Variants in COL4A2 observed in about 807,000 individuals in gnomAD.
The protein encoded by COL4A2 is collagen type IV alpha 2 chain.
COL4A2 carries 99 observed loss-of-function variants against 200.2 expected under a neutral mutation model. That is an observed-to-expected ratio of 0.49 (90% CI 0.42 to 0.58). The LOEUF (loss-of-function observed/expected upper bound fraction) is 0.58, where lower values mean the gene tolerates loss of function less well. Among genes scored for constraint, COL4A2 ranks in the 20% least tolerant of loss-of-function variants. COL4A2 has a pLI of 0.00. For missense variants in COL4A2, 1,950 were observed against 2,314.1 expected (o/e 0.84, Z 3.23); for synonymous variants, 897 against 900.6 (o/e 1.00, Z 0.07).
In COL4A2 at chr13:110,307,859, G is replaced by A; in HGVS notation, c.-44-1G>A. 1 of 1,595,850 alleles carries A rather than the reference G, an allele frequency of 6.3e-7. No homozygotes were observed. The highest frequency in any genetic ancestry group is 8.5e-7 in the Non-Finnish European group (1 of 1,170,342). ...AAACTCGCTTTGTCTGTCGCCTCTA[G>A]GCTAAGTGGGACTGACCGGGGCCCA... is the stretch of plus-strand genomic sequence containing the variant. On this transcript the variant is annotated splice_acceptor_variant, in intron 1 of 47. Coordinates refer to ENST00000360467, the MANE Select transcript of COL4A2 (RefSeq NM_001846.4). LOFTEE classifies it low-confidence loss of function (5UTR_SPLICE). The surrounding 1 kb of genome is among the most constrained non-coding windows in gnomAD (Gnocchi z 5.0).
At chr13:110,504,585 C>T (rs1405800396) in intron 45 of COL4A2, among the ~76,000 whole-genome samples, 2 of 152,168 alleles carry the variant, frequency 1.3e-5, no homozygotes, top group African/African-American at 4.8e-5. Flanking sequence ...GTACAAGAGC[C>T]GCACTGCGAA....
chr13:110,387,462 T>C (rs1047597380), intron 4 of COL4A2, among the ~76,000 whole-genome samples: 1 of 152,118 alleles, frequency 6.6e-6, no homozygotes, highest in African/African-American at 2.4e-5. Flanking sequence ...GCCAGAGGGA[T>C]TCTGAAATGT....
At chr13:110,471,102 A>G (rs1250433903) in intron 28 of COL4A2, among the ~76,000 whole-genome samples, 2 of 152,214 alleles carry the variant, frequency 1.3e-5, no homozygotes, top group South Asian at 4.1e-4. Flanking sequence ...GATTTCATAT[A>G]TACTAAGTTT....
chr13:110,323,853 G>A (rs537675491), intron 3 of COL4A2, among the ~76,000 whole-genome samples: 52 of 152,330 alleles, frequency 3.4e-4, no homozygotes, highest in African/African-American at 1.2e-3. Flanking sequence ...GGCCAGGACC[G>A]AAGCTAAGTA....
intron 4 of COL4A2, among the ~76,000 whole-genome samples, chr13:110,390,320 C>G (rs71440057): frequency 6.6e-6 from 1 of 152,234 alleles, no homozygotes; most frequent in African/African-American, 2.4e-5. Context: ...AGGAAGACTT[C>G]CATGGAAGGT....
chr13:110,458,245 G>A lies in COL4A2; in HGVS notation c.1433-526G>A, dbSNP rs550429653. 76 of 410,284 alleles carry A rather than the reference G, an allele frequency of 1.9e-4. 1 individual carries two copies. The highest frequency in any genetic ancestry group is 1.3e-3 in the African/African-American group (64 of 48,076). 25.4% of individuals were successfully genotyped at this position (410,284 alleles called of 1,614,324 possible). A position where few individuals can be genotyped will look rare whatever the true frequency, so the allele number is the denominator to read the frequency against. On this transcript the variant is annotated intron_variant, in intron 21 of 47. Coordinates refer to ENST00000360467, the MANE Select transcript of COL4A2 (RefSeq NM_001846.4). Reference sequence around the variant, plus strand: ...TGCCCTGGGGGAGCCAACCCCTGCCGCCAGCATGGTGCTGCCTTGCTGCCC... The same window carrying A: ...TGCCCTGGGGGAGCCAACCCCTGCCACCAGCATGGTGCTGCCTTGCTGCCC...
intron 4 of COL4A2, among the ~76,000 whole-genome samples, chr13:110,388,244 C>T (rs1353847984): frequency 6.6e-6 from 1 of 152,200 alleles, no homozygotes; most frequent in African/African-American, 2.4e-5. Context: ...AGCCCTCAAG[C>T]GCAGTCTGCA....
intron 7 of COL4A2, chr13:110,429,036 A>G (rs1157696815): frequency 6.5e-6 from 1 of 153,602 alleles, no homozygotes; most frequent in East Asian, 1.9e-4. Flanking sequence ...GGCCTCATTT[A>G]TTTTTTAAGG....
chr13:110,357,687 C>A, intron 4 of COL4A2, 135 bp downstream of exon 4: 1 of 1,324,488 alleles, frequency 7.6e-7, no homozygotes, highest in Non-Finnish European at 1.0e-6. Context: ...AGTACTCACA[C>A]AAACCTAGAT....
In COL4A2 at chr13:110,435,235, A is replaced by G. The variant is rs149361279; in HGVS notation, c.726+793A>G. Among the ~76,000 whole-genome samples the G allele has an allele frequency of 8.0e-4, 122 of 152,330 alleles. 1 individual carries two copies. Among genetic ancestry groups the G allele is most frequent in the African/African-American group, 2.8e-3 (118 of 41,586 alleles). ...ATTAGCAAGCAGTGGGCTTCTGGGAAAAAAAAGAAAGAAAAACATTGAAGA... is the reference window on the plus strand; with the variant it reads ...ATTAGCAAGCAGTGGGCTTCTGGGAGAAAAAAGAAAGAAAAACATTGAAGA... On this transcript the variant is annotated intron_variant, in intron 12 of 47. Transcript: ENST00000360467.
At chr13:110,318,295 C>G (rs1005710261) in intron 3 of COL4A2, among the ~76,000 whole-genome samples, 1 of 152,088 alleles carries the variant, frequency 6.6e-6, no homozygotes, top group African/African-American at 2.4e-5. Context: ...ACCGTGAAGT[C>G]TGATCAGTGT....
intron 18 of COL4A2, among the ~76,000 whole-genome samples, chr13:110,447,662 T>A (rs1006799778): frequency 6.6e-6 from 1 of 152,234 alleles, no homozygotes; most frequent in Non-Finnish European, 1.5e-5. Context: ...AGGACAGACA[T>A]TTCAGCCCAT....
chr13:110,347,057 C>T (rs1390190345), intron 3 of COL4A2, among the ~76,000 whole-genome samples: 3 of 152,206 alleles, frequency 2.0e-5, no homozygotes, highest in East Asian at 3.9e-4. Flanking sequence ...GCCTGCTTTT[C>T]GCCTCTAGAA....
Position 110,467,092 on chromosome 13 carries a change from C to A in COL4A2, c.2091C>A (p.Pro697=). Residue 697 remains proline, a synonymous_variant, in exon 27 of 48, where the codon CCC becomes CCA. Coordinates refer to ENST00000360467, the MANE Select transcript of COL4A2 (RefSeq NM_001846.4). ...GLPGLPGPPG[P]TGAKGLRGIP... ...CAGGCCTGCCAGGACCCCCAGGCCC[C>A]ACAGGTAATGCACGGAGGGAACCTG... 1 of 1,614,070 alleles carries A rather than the reference C, an allele frequency of 6.2e-7. No homozygotes were observed. The highest frequency in any genetic ancestry group is 8.5e-7 in the Non-Finnish European group (1 of 1,179,992).
chr13:110,397,427 C>A (rs1159878694), intron 4 of COL4A2, among the ~76,000 whole-genome samples: 3 of 152,192 alleles, frequency 2.0e-5, no homozygotes, highest in Non-Finnish European at 4.4e-5. Flanking sequence ...GCCGTATGAG[C>A]ACTTTTTAAA....
chr13:110,509,317 T>G (rs2139561762), intron 47 of COL4A2, among the ~76,000 whole-genome samples: 1 of 140,930 alleles, frequency 7.1e-6, no homozygotes, highest in East Asian at 2.2e-4. Flanking sequence ...ATAAATTACA[T>G]AGTGATTGCT....
chr13:110,339,166 G>T (rs906583242), intron 3 of COL4A2, among the ~76,000 whole-genome samples: 2 of 152,220 alleles, frequency 1.3e-5, no homozygotes, highest in Non-Finnish European at 2.9e-5. Context: ...ATTGAGCTCA[G>T]AGAAACTTCA....
chr13:110,428,160 T>C, intron 6 of COL4A2, among the ~76,000 whole-genome samples: 1 of 147,248 alleles, frequency 6.8e-6, no homozygotes, highest in African/African-American at 2.6e-5. Context: ...GAAATGTAAT[T>C]TTACTTGTCC....
chr13:110,436,309 A>C lies in COL4A2; in HGVS notation c.767A>C (p.Asp256Ala). The C allele has an allele frequency of 1.2e-6, 2 of 1,614,048 alleles. No individual in the cohort carries two copies. Among genetic ancestry groups the C allele is most frequent in the Non-Finnish European group, 1.7e-6 (2 of 1,180,024 alleles). Residue 256 changes from aspartate to alanine, a missense_variant, in exon 13 of 48, where the codon GAC becomes GCC. By Grantham distance (126) the Asp-to-Ala change is moderately radical. Transcript: ENST00000360467. ...CCGGGACCCAACGGGATTCCATCAGACACCCTCCACCCCATCATCGCGCCC... is the reference window on the plus strand; with the variant it reads ...CCGGGACCCAACGGGATTCCATCAGCCACCCTCCACCCCATCATCGCGCCC... ...GQPGPNGIPS[D>A]TLHPIIAPTG...
Sources: allele counts gnomAD v4.1 joint callset (sites outside exome capture counted in the v4.1 genomes callset), GRCh38; gene constraint gnomAD v4.1.1; non-coding constraint Gnocchi (gnomAD v3.1); transcripts MANE v1.5; gene names NCBI Gene and HGNC (gene_info 2026-07-23, HGNC 2026-07-21).